Variants in PCCA observed in about 807,000 individuals in gnomAD.
The protein encoded by PCCA is propionyl-CoA carboxylase alpha chain, mitochondrial.
A neutral mutation model predicts 101.3 loss-of-function variants in PCCA; 74 were observed. That is an observed-to-expected ratio of 0.73 (90% CI 0.61 to 0.89). The LOEUF (loss-of-function observed/expected upper bound fraction) is 0.89. Ranked by LOEUF, PCCA falls within the 40% of genes least tolerant of loss-of-function variation. PCCA has a pLI of 0.00. For missense variants in PCCA, 891 were observed against 907.0 expected (o/e 0.98, Z 0.23); for synonymous variants, 294 against 313.6 (o/e 0.94, Z 0.66).
At chr13:100,395,990 A>G (rs998654195) in intron 19 of PCCA, among the ~76,000 whole-genome samples, 3 of 152,232 alleles carry the variant, frequency 2.0e-5, no homozygotes, top group African/African-American at 7.2e-5. Context: ...TAGTTTGTAA[A>G]AATCAACCTA....
At chr13:100,498,164 A>T (rs1185786165) in intron 21 of PCCA, among the ~76,000 whole-genome samples, 1 of 150,794 alleles carries the variant, frequency 6.6e-6, no homozygotes, top group Admixed American at 6.6e-5. Context: ...CACCACACCC[A>T]GCCCAACATT....
intron 21 of PCCA, among the ~76,000 whole-genome samples, chr13:100,488,239 A>G (rs1042941271): frequency 6.6e-6 from 1 of 152,108 alleles, no homozygotes; most frequent in African/African-American, 2.4e-5. Context: ...GATTACAGGC[A>G]TGCGCCACCA....
chr13:100,304,795 C>G (rs1395934301), intron 14 of PCCA, among the ~76,000 whole-genome samples: 3 of 152,126 alleles, frequency 2.0e-5, no homozygotes, highest in African/African-American at 4.8e-5. Context: ...ATTTTTGGCT[C>G]TTACCTTTTT....
chr13:100,109,889 T>G (rs2048146167), intron 2 of PCCA, among the ~76,000 whole-genome samples: 1 of 152,166 alleles, frequency 6.6e-6, no homozygotes, highest in Non-Finnish European at 1.5e-5. Flanking sequence ...CCCAGCACTT[T>G]GGGAGGCCGA....
chr13:100,269,354 G>C (rs1026399552), intron 11 of PCCA, among the ~76,000 whole-genome samples: 1 of 152,184 alleles, frequency 6.6e-6, no homozygotes. Context: ...ACTTCTGCAG[G>C]CTTCTAGGAA....
chr13:100,166,024 T>C (rs2055004402), intron 6 of PCCA, among the ~76,000 whole-genome samples: 1 of 152,238 alleles, frequency 6.6e-6, no homozygotes, highest in African/African-American at 2.4e-5. Context: ...ATTGTACACT[T>C]ATATGTGTAC....
At chr13:100,275,745 A>C (rs1404121768) in intron 12 of PCCA, among the ~76,000 whole-genome samples, 2 of 151,818 alleles carry the variant, frequency 1.3e-5, no homozygotes, top group Non-Finnish European at 2.9e-5. Flanking sequence ...TGGGGGTTAT[A>C]AATACTGCTG....
At chr13:100,438,809 G>T (rs1329200232) in intron 20 of PCCA, among the ~76,000 whole-genome samples, 1 of 151,874 alleles carries the variant, frequency 6.6e-6, no homozygotes, top group African/African-American at 2.4e-5. Flanking sequence ...GCATTTGGGG[G>T]CTGCTTTGCA....
chr13:100,414,003 A>G (rs1016277801), intron 19 of PCCA, among the ~76,000 whole-genome samples: 4 of 152,254 alleles, frequency 2.6e-5, no homozygotes, highest in African/African-American at 4.8e-5. Context: ...AACTGAAATT[A>G]AAGTTGTTAC....
chr13:100,199,363 A>G (rs2058329510), intron 6 of PCCA, among the ~76,000 whole-genome samples: 1 of 152,018 alleles, frequency 6.6e-6, no homozygotes, highest in Admixed American at 6.6e-5. Flanking sequence ...TTGTCCATTT[A>G]TTTTTAAATT....
intron 6 of PCCA, among the ~76,000 whole-genome samples, chr13:100,171,289 T>C (rs2152414923): frequency 1.3e-5 from 2 of 152,350 alleles, no homozygotes; most frequent in Middle Eastern, 6.8e-3. Context: ...ATATACAACA[T>C]GTATAAGCCA....
chr13:100,498,235 C>CA (rs34099057), intron 21 of PCCA, among the ~76,000 whole-genome samples: 62,028 of 127,804 alleles, frequency 0.49, 14,674 homozygotes, highest in East Asian at 0.77. Context: ...GTAGGTTAGC[C>CA]AAAAAAAAAA....
chr13:100,426,585 T>C (rs1462968731), intron 20 of PCCA, among the ~76,000 whole-genome samples: 1 of 152,168 alleles, frequency 6.6e-6, no homozygotes, highest in Non-Finnish European at 1.5e-5. Context: ...ACCGGGATAG[T>C]GGACATCAGA....
At chr13:100,131,749 A>G (rs1280047391) in intron 4 of PCCA, among the ~76,000 whole-genome samples, 12 of 152,188 alleles carry the variant, frequency 7.9e-5, no homozygotes, top group Admixed American at 7.9e-4. Context: ...ACCTTTAACA[A>G]ATACCGTTGA....
At chr13:100,161,679 G>A (rs957647571) in intron 6 of PCCA, 1 of 151,638 alleles carries the variant, frequency 6.6e-6, no homozygotes, top group Non-Finnish European at 1.5e-5. Context: ...ATTTGAGTAG[G>A]AAAAAATAGG....
intron 1 of PCCA, among the ~76,000 whole-genome samples, chr13:100,099,572 C>T (rs1485886819): frequency 6.6e-6 from 1 of 152,046 alleles, no homozygotes; most frequent in East Asian, 1.9e-4. Flanking sequence ...CTGCCTCGGC[C>T]TCTCAAAGTG....
chr13:100,426,557 T>C (rs537422203), intron 20 of PCCA, among the ~76,000 whole-genome samples: 6 of 152,280 alleles, frequency 3.9e-5, no homozygotes, highest in African/African-American at 1.2e-4. Context: ...ACCTGATTCT[T>C]ATCTACCTCT....
chr13:100,386,798 G>A (rs184123175), intron 19 of PCCA, among the ~76,000 whole-genome samples: 1 of 152,330 alleles, frequency 6.6e-6, no homozygotes, highest in Non-Finnish European at 1.5e-5. Context: ...ACAAGAAACT[G>A]GGACCCATGG....
At chr13:100,501,747 A>T (rs1377213330) in intron 21 of PCCA, among the ~76,000 whole-genome samples, 1 of 151,954 alleles carries the variant, frequency 6.6e-6, no homozygotes, top group Admixed American at 6.6e-5. Flanking sequence ...GGTGGCGCAT[A>T]CCTGTAATCC....
Sources: allele counts gnomAD v4.1 joint callset (sites outside exome capture counted in the v4.1 genomes callset), GRCh38; gene constraint gnomAD v4.1.1; transcripts MANE v1.5; gene names NCBI Gene and HGNC (gene_info 2026-07-23, HGNC 2026-07-21).